PTPRM: variants seen among roughly 807,000 people sequenced by gnomAD.
PTPRM encodes the protein receptor-type tyrosine-protein phosphatase mu.
In PTPRM, 47 loss-of-function variants were observed where a neutral mutation model predicts 186.7. The ratio of observed to expected loss-of-function variants is 0.25; its 90% CI spans 0.20 to 0.32. The LOEUF is 0.32. Among genes scored for constraint, PTPRM ranks in the 10% least tolerant of loss-of-function variants. The probability of loss-of-function intolerance (pLI) is 1.00; values close to 1 mark genes in which losing one functional copy is unlikely to be tolerated. For missense variants in PTPRM, 1,494 were observed against 1,865.0 expected (o/e 0.80, Z 3.66); for synonymous variants, 668 against 674.9 (o/e 0.99, Z 0.16).
chr18:8,022,435 T>C (rs1306735520), intron 7 of PTPRM, among the ~76,000 whole-genome samples: 1 of 152,228 alleles, frequency 6.6e-6, no homozygotes, highest in African/African-American at 2.4e-5. Flanking sequence ...CTAAGTCTTT[T>C]CTGCTACACT....
Position 8,046,399 on chromosome 18 carries a change from T to C in PTPRM, c.1133-23287T>C, listed in dbSNP as rs539432198. 1.1e-4 allele frequency among the ~76,000 whole-genome samples: 16 copies of C among 152,338 alleles called. 1 individual carries two copies. The highest frequency in any genetic ancestry group is 3.3e-4 in the Admixed American group (5 of 15,308). ...CCTGAAAGAGAAGACAGTTATTTAT[T>C]GACCTTCTAAAACCTCCACATATTA... On this transcript the variant is annotated intron_variant, in intron 7 of 32. Transcript: ENST00000580170.
chr18:7,962,544 T>A (rs2053752700), intron 7 of PTPRM, among the ~76,000 whole-genome samples: 1 of 152,216 alleles, frequency 6.6e-6, no homozygotes, highest in African/African-American at 2.4e-5. Flanking sequence ...TGCCTAGTGG[T>A]AACACTGGAG....
At chr18:8,132,003 T>A (rs779314349) in intron 13 of PTPRM, among the ~76,000 whole-genome samples, 4 of 152,236 alleles carry the variant, frequency 2.6e-5, no homozygotes, top group Non-Finnish European at 5.9e-5. Flanking sequence ...CAGTTTAATA[T>A]GTGTAATTTA....
At chr18:7,998,210 G>T (rs193048915) in intron 7 of PTPRM, among the ~76,000 whole-genome samples, 1 of 151,992 alleles carries the variant, frequency 6.6e-6, no homozygotes, top group Non-Finnish European at 1.5e-5. Context: ...ATTAAAAAAT[G>T]AAGTTTTGTC....
intron 13 of PTPRM, among the ~76,000 whole-genome samples, chr18:8,120,511 G>A (rs1372737953): frequency 2.4e-5 from 2 of 84,924 alleles, no homozygotes; most frequent in African/African-American, 1.1e-4. Context: ...TTTTTTTCTT[G>A]AGACAGTGTC....
intron 19 of PTPRM, among the ~76,000 whole-genome samples, chr18:8,293,805 AG>A (rs2095065921): frequency 6.6e-6 from 1 of 152,252 alleles, no homozygotes; most frequent in Non-Finnish European, 1.5e-5. Flanking sequence ...GATTATATAA[AG>A]GTCTTGTTCT....
At chr18:7,632,720 A>G (rs886477758) in intron 1 of PTPRM, among the ~76,000 whole-genome samples, 3 of 152,170 alleles carry the variant, frequency 2.0e-5, no homozygotes, top group African/African-American at 7.2e-5. Context: ...AATTATCTGG[A>G]TTTAGGGATG....
intron 2 of PTPRM, among the ~76,000 whole-genome samples, chr18:7,788,511 T>C (rs2145176177): frequency 6.6e-6 from 1 of 152,320 alleles, no homozygotes; most frequent in East Asian, 1.9e-4. Context: ...CTAAGTTCCA[T>C]CAGTAGTGCT....
At chr18:8,163,735 T>C (rs1337976491) in intron 14 of PTPRM, among the ~76,000 whole-genome samples, 1 of 152,208 alleles carries the variant, frequency 6.6e-6, no homozygotes, top group African/African-American at 2.4e-5. Context: ...GTTTCAGTGG[T>C]CAAAATTACA....
At chr18:8,030,463 C>T (rs892217286) in intron 7 of PTPRM, among the ~76,000 whole-genome samples, 3 of 152,170 alleles carry the variant, frequency 2.0e-5, no homozygotes, top group African/African-American at 7.2e-5. Flanking sequence ...CAAAACCATG[C>T]ATAAGGAATA....
At chr18:8,031,219 C>G (rs2085946348) in intron 7 of PTPRM, among the ~76,000 whole-genome samples, 1 of 152,188 alleles carries the variant, frequency 6.6e-6, no homozygotes, top group African/African-American at 2.4e-5. Context: ...TTGAAGATAA[C>G]TGATGTAACC....
At chr18:8,355,908 C>G (rs1433481565) in intron 23 of PTPRM, among the ~76,000 whole-genome samples, 1 of 152,178 alleles carries the variant, frequency 6.6e-6, no homozygotes, top group East Asian at 1.9e-4. Context: ...AGTGAGCTCT[C>G]TGGTCTCTTT....
chr18:7,735,269 T>C (rs1208459989), intron 1 of PTPRM, among the ~76,000 whole-genome samples: 1 of 151,898 alleles, frequency 6.6e-6, no homozygotes, highest in East Asian at 1.9e-4. Flanking sequence ...ATACAAAAAT[T>C]AGTTGAGCAT....
At chr18:8,128,850 A>G (rs923294541) in intron 13 of PTPRM, among the ~76,000 whole-genome samples, 1 of 152,204 alleles carries the variant, frequency 6.6e-6, no homozygotes, top group African/African-American at 2.4e-5. Flanking sequence ...ATGTATAAAA[A>G]CAATTTAATT....
intron 14 of PTPRM, among the ~76,000 whole-genome samples, chr18:8,174,694 T>C (rs1182160475): frequency 1.3e-5 from 2 of 152,152 alleles, no homozygotes; most frequent in African/African-American, 4.8e-5. Context: ...ACATACTTTT[T>C]TTAAAAAAAA....
intron 3 of PTPRM, among the ~76,000 whole-genome samples, chr18:7,901,195 G>T (rs1398268578): frequency 6.6e-6 from 1 of 152,060 alleles, no homozygotes; most frequent in Non-Finnish European, 1.5e-5. Context: ...GACAAAAAGA[G>T]AAAAAAGATT....
chr18:8,075,649 G>A (rs896517671), intron 8 of PTPRM, among the ~76,000 whole-genome samples: 8 of 152,012 alleles, frequency 5.3e-5, no homozygotes, highest in Non-Finnish European at 2.9e-5. Context: ...AAACTTATAA[G>A]AAGGTGTTAT....
intron 2 of PTPRM, among the ~76,000 whole-genome samples, chr18:7,861,670 C>A (rs150235939): frequency 6.6e-6 from 1 of 152,020 alleles, no homozygotes; most frequent in Non-Finnish European, 1.5e-5. Context: ...AGGCACAACT[C>A]GGCACACAGG....
chr18:7,654,825 C>T (rs1347010868), intron 1 of PTPRM, among the ~76,000 whole-genome samples: 4 of 152,190 alleles, frequency 2.6e-5, no homozygotes, highest in East Asian at 1.9e-4. Context: ...GGTTTTGTAC[C>T]AGTACCATGC....
Sources: allele counts gnomAD v4.1 joint callset (sites outside exome capture counted in the v4.1 genomes callset), GRCh38; gene constraint gnomAD v4.1.1; transcripts MANE v1.5; gene names NCBI Gene and HGNC (gene_info 2026-07-23, HGNC 2026-07-21).